DNAH12: variants seen among roughly 807,000 people sequenced by gnomAD.
DNAH12 encodes axonemal beta dynein heavy chain 12.
A neutral mutation model predicts 371.5 loss-of-function variants in DNAH12; 285 were observed. The ratio of observed to expected loss-of-function variants is 0.77; its 90% CI spans 0.70 to 0.85. The LOEUF (loss-of-function observed/expected upper bound fraction) is 0.85. Among genes scored for constraint, DNAH12 ranks in the 40% least tolerant of loss-of-function variants. DNAH12 has a pLI of 0.00. For synonymous variants in DNAH12, 1,200 were observed against 1,213.0 expected, an observed-to-expected ratio of 0.99 and a Z score of 0.22; for missense variants, 3,611 against 3,689.4, an observed-to-expected ratio of 0.98 and a Z score of 0.55.
At chr3:57,481,292 C>G (rs1237808784) in intron 13 of DNAH12, among the ~76,000 whole-genome samples, 4 of 152,070 alleles carry the variant, frequency 2.6e-5, no homozygotes, top group Non-Finnish European at 5.9e-5. Context: ...AAACAGAGAG[C>G]CAAATCACGA....
chr3:57,434,602 T>TA (rs992882578), intron 30 of DNAH12, among the ~76,000 whole-genome samples: 8 of 151,788 alleles, frequency 5.3e-5, no homozygotes, highest in East Asian at 1.9e-4. Flanking sequence ...ATAATAATAA[T>TA]AAAAAAAACC....
chr3:57,398,989 A>G (rs2063801167), intron 43 of DNAH12, among the ~76,000 whole-genome samples: 1 of 152,202 alleles, frequency 6.6e-6, no homozygotes, highest in Non-Finnish European at 1.5e-5. Flanking sequence ...TAATTAGTAC[A>G]TAATATATAA....
chr3:57,310,304 G>A (rs2061559484), intron 67 of DNAH12, among the ~76,000 whole-genome samples: 2 of 152,086 alleles, frequency 1.3e-5, no homozygotes, highest in Admixed American at 1.3e-4. Flanking sequence ...TGGTAAATAT[G>A]CCCAAGTACA....
intron 61 of DNAH12, 73 bp from the exon 62 acceptor site, chr3:57,334,682 G>GAA (rs1440363270): frequency 6.6e-7 from 1 of 1,508,664 alleles, no homozygotes; most frequent in Non-Finnish European, 8.8e-7. Context: ...ACAAGGAGTA[G>GAA]AAACCAGACA....
At chr3:57,387,641 T>A (rs1286449451) in intron 45 of DNAH12, among the ~76,000 whole-genome samples, 2 of 152,068 alleles carry the variant, frequency 1.3e-5, no homozygotes, top group Non-Finnish European at 2.9e-5. Context: ...AAAGACTAAA[T>A]CTCCTAGACT....
chr3:57,408,152 A>C, intron 40 of DNAH12, 128 bp downstream of exon 40: 4 of 1,052,668 alleles, frequency 3.8e-6, no homozygotes, highest in Non-Finnish European at 5.1e-6. Flanking sequence ...TGATCTTCCT[A>C]TTCTCTGGTC....
intron 69 of DNAH12, among the ~76,000 whole-genome samples, chr3:57,304,884 C>T (rs1350744434): frequency 1.3e-5 from 2 of 152,214 alleles, no homozygotes; most frequent in African/African-American, 4.8e-5. Context: ...CCCTTCTCTT[C>T]GTGTCTCTAC....
At chr3:57,548,712 A>G (rs769733049), upstream of DNAH12, 1 of 152,088 alleles carries the variant, frequency 6.6e-6, no homozygotes, top group East Asian at 1.9e-4. Context: ...TCTCAAAAAA[A>G]TTGTTTTTAA....
At chr3:57,401,372 A>G (rs2063854375) in intron 43 of DNAH12, among the ~76,000 whole-genome samples, 1 of 150,576 alleles carries the variant, frequency 6.6e-6, no homozygotes. Flanking sequence ...CAACACGGTG[A>G]AACCCATCTC....
chr3:57,458,907 C>T (rs902381167), intron 20 of DNAH12, among the ~76,000 whole-genome samples: 3 of 152,126 alleles, frequency 2.0e-5, no homozygotes, highest in African/African-American at 4.8e-5. Context: ...TCATGTTTCA[C>T]AAAGATTCTG....
intron 29 of DNAH12, among the ~76,000 whole-genome samples, chr3:57,439,620 T>C (rs1481835503): frequency 6.6e-6 from 1 of 152,186 alleles, no homozygotes; most frequent in African/African-American, 2.4e-5. Context: ...TTCTGGACAC[T>C]GGCCTTGGGA....
chr3:57,428,218 A>C, intron 34 of DNAH12: 1 of 511,402 alleles, frequency 2.0e-6, no homozygotes, highest in East Asian at 7.5e-5. Flanking sequence ...GGAGTGAGCC[A>C]CCGTGGCTGT....
chr3:57,502,129 G>C (rs2067572656), intron 10 of DNAH12, among the ~76,000 whole-genome samples, 194 bp downstream of exon 10: 1 of 151,994 alleles, frequency 6.6e-6, no homozygotes, highest in Admixed American at 6.6e-5. Context: ...GGATGGTCTC[G>C]ATCTCCTGAC....
At chr3:57,512,895 T>C (rs2068049026) in intron 4 of DNAH12, among the ~76,000 whole-genome samples, 1 of 152,012 alleles carries the variant, frequency 6.6e-6, no homozygotes, top group South Asian at 2.1e-4. Context: ...TCCCAACACT[T>C]TGGGAGGCCG....
intron 69 of DNAH12, among the ~76,000 whole-genome samples, chr3:57,302,567 A>ATATATATATTTTTTTTT (rs2061380979): frequency 1.8e-4 from 5 of 27,482 alleles, no homozygotes; most frequent in Non-Finnish European, 2.5e-4. Flanking sequence ...ATATATATGT[A>ATATATATATTTTTTTTT]TTTTTTTTTT....
intron 55 of DNAH12, among the ~76,000 whole-genome samples, chr3:57,368,888 C>G (rs947895410): frequency 1.3e-5 from 2 of 151,976 alleles, no homozygotes; most frequent in Non-Finnish European, 2.9e-5. Flanking sequence ...GTATTCAGTA[C>G]AGTACATTAA....
chr3:57,511,022 C>T, intron 4 of DNAH12, 43 bp from the exon 5 acceptor site: 4 of 1,469,916 alleles, frequency 2.7e-6, no homozygotes, highest in Non-Finnish European at 3.7e-6. Flanking sequence ...ATGGTTGTAT[C>T]ATTTCAGTGT....
intron 65 of DNAH12, among the ~76,000 whole-genome samples, chr3:57,319,183 T>C (rs2061750232): frequency 6.6e-6 from 1 of 152,202 alleles, no homozygotes; most frequent in African/African-American, 2.4e-5. Context: ...GTTGTTGGTG[T>C]ACAGAAATGC....
At chr3:57,486,293 G>A (rs1242636225) in intron 12 of DNAH12, among the ~76,000 whole-genome samples, 2 of 151,920 alleles carry the variant, frequency 1.3e-5, no homozygotes, top group African/African-American at 4.8e-5. Context: ...ATCTAGCCCA[G>A]GCACAGAGGC....
Sources: gnomAD v4.1 joint callset for allele counts (sites outside exome capture counted in the v4.1 genomes callset) on GRCh38, gnomAD v4.1.1 for gene constraint, MANE v1.5 for transcripts, NCBI Gene and HGNC (gene_info 2026-07-23, HGNC 2026-07-21) for gene names.